COL3A1: variants seen among roughly 807,000 people sequenced by gnomAD.
COL3A1 encodes collagen type III alpha 1 chain.
Under a neutral mutation model 200.9 loss-of-function variants are expected in COL3A1, and 46 were observed. The observed-to-expected ratio is 0.23, with a 90% CI of 0.18 to 0.29. The LOEUF is 0.29. COL3A1 is among the 10% of genes least tolerant of loss of function. The pLI is 1.00. For missense variants in COL3A1, 1,367 were observed against 1,917.6 expected (o/e 0.71, Z 5.36); for synonymous variants, 650 against 628.0 (o/e 1.03, Z -0.52).
chr2:188,977,896 A>G (rs1687856777), intron 1 of COL3A1, among the ~76,000 whole-genome samples: 1 of 152,074 alleles, frequency 6.6e-6, no homozygotes, highest in South Asian at 2.1e-4. Flanking sequence ...TAATTTTTTT[A>G]AACCCCAGAA....
At chr2:188,976,574 T>G (rs1687822068) in intron 1 of COL3A1, among the ~76,000 whole-genome samples, 1 of 152,160 alleles carries the variant, frequency 6.6e-6, no homozygotes, top group African/African-American at 2.4e-5. Flanking sequence ...AGGAGGTATC[T>G]GAATATACAG....
At chr2:188,980,066 T>G (rs1687917729) in intron 1 of COL3A1, among the ~76,000 whole-genome samples, 1 of 151,652 alleles carries the variant, frequency 6.6e-6, no homozygotes, top group African/African-American at 2.4e-5. Context: ...CAAATAAAAT[T>G]ACTCTAAGGA....
At chr2:188,983,576 A>G (rs576879488) in intron 1 of COL3A1, among the ~76,000 whole-genome samples, 1 of 152,074 alleles carries the variant, frequency 6.6e-6, no homozygotes, top group South Asian at 2.1e-4. Context: ...TGTAGTGCCC[A>G]GATGGAAAAA....
Position 188,984,939 on chromosome 2 carries a change from G to C in COL3A1, c.259G>C (p.Val87Leu), listed in dbSNP as rs1486801173. 1 of 1,612,886 alleles carries C rather than the reference G, an allele frequency of 6.2e-7. No homozygotes were observed. Among genetic ancestry groups the C allele is most frequent in the Non-Finnish European group, 8.5e-7 (1 of 1,179,374 alleles). ...PEIPFGECCA[V>L]CPQPPTAPTR... Reference sequence around the variant, plus strand: ...AATTCCATTTGGAGAATGTTGTGCAGTTTGCCCACAGCCTCCAACTGCTGT... The same window carrying C: ...AATTCCATTTGGAGAATGTTGTGCACTTTGCCCACAGCCTCCAACTGCTGT... Residue 87 changes from valine (V) to leucine (L), a missense_variant, in exon 2 of 51, where the codon GTT becomes CTT. Coordinates refer to ENST00000304636, the MANE Select transcript of COL3A1 (RefSeq NM_000090.4).
intron 47 of COL3A1, chr2:189,008,699 A>G: frequency 1.7e-6 from 1 of 593,984 alleles, no homozygotes; most frequent in South Asian, 2.0e-5. Flanking sequence ...CTCTGACACT[A>G]CTGATTCTTA....
chr2:188,994,199 G>C lies in COL3A1; in HGVS notation c.1195-35G>C. 1 of 1,612,346 alleles carries C rather than the reference G, an allele frequency of 6.2e-7. No individual in the cohort carries two copies. Among genetic ancestry groups the C allele is most frequent in the South Asian group, 1.1e-5 (1 of 91,048 alleles). ...GAGATATTCATAAAAGAACATTCAA[G>C]TTCGGCTAATATAGTGTCTTTGGTT... On this transcript the variant is annotated intron_variant, in intron 17 of 50. Coordinates refer to ENST00000304636, the MANE Select transcript of COL3A1 (RefSeq NM_000090.4). This position sits in a 1 kb window ranked among gnomAD's most constrained non-coding sequence, Gnocchi z 4.5.
At position 189,006,428 on chromosome 2, in the gene COL3A1, A is replaced by G. The variant is rs1273664066; in HGVS notation, c.3177A>G (p.Gly1059=). 1 of 1,613,872 alleles carries G rather than the reference A, an allele frequency of 6.2e-7. No homozygotes were observed. The highest frequency in any genetic ancestry group is 1.3e-5 in the African/African-American group (1 of 74,906). ...CACCTGGTCCTGTCGGTCCAGCTGGAAAGAGTGGTGACAGAGGAGAAAGTG... is the reference window on the plus strand; with the variant it reads ...CACCTGGTCCTGTCGGTCCAGCTGGGAAGAGTGGTGACAGAGGAGAAAGTG... ...PGPPGPVGPA[G]KSGDRGESGP... Residue 1059 remains glycine (G), a synonymous_variant, in exon 43 of 51, where the codon GGA becomes GGG. Transcript: ENST00000304636.
rs113906492 is a variant in COL3A1 at position 188,978,096 on chromosome 2, A to T, written c.79+3528A>T. 3,474 of 411,022 alleles carry T rather than the reference A, an allele frequency of 8.5e-3. 46 individuals are homozygous for T. Among genetic ancestry groups the T allele is most frequent in the South Asian group, 0.031 (1,756 of 56,188 alleles). 25.5% of individuals were successfully genotyped at this position (411,022 alleles called of 1,614,324 possible). On this transcript the variant is annotated intron_variant, in intron 1 of 50. Transcript: ENST00000304636. ...TTTGGATTTTCAAAACTACCTATTTATGTATAGGCCTTTAGATCATCTGAT... is the reference window on the plus strand; with the variant it reads ...TTTGGATTTTCAAAACTACCTATTTTTGTATAGGCCTTTAGATCATCTGAT...
At position 188,974,506 on chromosome 2, in the gene COL3A1, A is replaced by C. The variant is rs1296702474; in HGVS notation, c.17A>C (p.Gln6Pro). MMSFVQKGSWLLLALL... is the reference protein window; with the variant it reads MMSFVPKGSWLLLALL... ...TATTTAGACATGATGAGCTTTGTGCAAAAGGGGAGCTGGCTACTTCTCGCT... is the reference window on the plus strand; with the variant it reads ...TATTTAGACATGATGAGCTTTGTGCCAAAGGGGAGCTGGCTACTTCTCGCT... The change falls in exon 1 of 51, where the codon CAA becomes CCA. Residue 6 changes from glutamine to proline, a missense_variant. By Grantham distance (76) the Gln-to-Pro change is moderately conservative. Coordinates refer to ENST00000304636, the MANE Select transcript of COL3A1 (RefSeq NM_000090.4). 1 of 1,613,998 alleles carries C rather than the reference A, an allele frequency of 6.2e-7. No individual in the cohort carries two copies. Among genetic ancestry groups the C allele is most frequent in the Admixed American group, 1.7e-5 (1 of 60,030 alleles).
At chr2:188,997,120 T>C in intron 24 of COL3A1, 45 bp from the exon 25 acceptor site, 1 of 1,537,666 alleles carries the variant, frequency 6.5e-7, no homozygotes, top group East Asian at 2.3e-5. Flanking sequence ...TATGATTAGT[T>C]ATTGCCCTTT....
intron 1 of COL3A1, among the ~76,000 whole-genome samples, chr2:188,979,641 A>C (rs1222111553): frequency 6.6e-6 from 1 of 151,808 alleles, no homozygotes; most frequent in Non-Finnish European, 1.5e-5. Flanking sequence ...TCCTGTTTTG[A>C]GGCCAGATAG....
At chr2:188,997,913 C>A (rs1688365989) in intron 27 of COL3A1, among the ~76,000 whole-genome samples, 160 bp downstream of exon 27, 1 of 152,126 alleles carries the variant, frequency 6.6e-6, no homozygotes. Flanking sequence ...CTTCCATGTC[C>A]GTTCCAGAGC....
chr2:188,997,625 G>C, intron 26 of COL3A1, 75 bp from the exon 27 acceptor site: 12 of 1,445,344 alleles, frequency 8.3e-6, no homozygotes, highest in Non-Finnish European at 1.2e-5. Flanking sequence ...TTAAGCAACA[G>C]GCCTGTTGAA....
intron 14 of COL3A1, among the ~76,000 whole-genome samples, chr2:188,992,650 C>A (rs1276881495): frequency 6.6e-6 from 1 of 152,088 alleles, no homozygotes; most frequent in Non-Finnish European, 1.5e-5. Context: ...GAAAAGTAGC[C>A]TGCACTAAGT....
In COL3A1 at chr2:188,993,472, G is replaced by A; in HGVS notation, c.1149+13G>A. The A allele has an allele frequency of 1.3e-6, 2 of 1,541,500 alleles. No homozygotes were observed. The highest frequency in any genetic ancestry group is 1.8e-6 in the Non-Finnish European group (2 of 1,138,024). On this transcript the variant is annotated intron_variant, in intron 16 of 50. Coordinates refer to ENST00000304636, the MANE Select transcript of COL3A1 (RefSeq NM_000090.4). ...TCAAGGTCCTCCTGTAAGTATCATA[G>A]TTGAGAGGGAGTAAGCATAGTTTCA...
chr2:188,991,191 G>A (rs1350514250), intron 11 of COL3A1, 134 bp downstream of exon 11: 1 of 902,442 alleles, frequency 1.1e-6, no homozygotes, highest in African/African-American at 1.7e-5. Flanking sequence ...GTGAATAATG[G>A]TAACCAATTC....
rs372405344 is a variant in COL3A1, at chr2:189,006,462, C to T, written c.3201+10C>T. ...TGACAGAGGAGAAAGTGTGAGTTCC[C>T]AAAAGCAGCATCTGTCTTGTTTGTC... On this transcript the variant is annotated intron_variant, in intron 43 of 50. Coordinates refer to ENST00000304636, the MANE Select transcript of COL3A1 (RefSeq NM_000090.4). 7 of 1,611,288 alleles carry T rather than the reference C, an allele frequency of 4.3e-6. No individual in the cohort carries two copies. Among genetic ancestry groups the T allele is most frequent in the Middle Eastern group, 1.6e-4 (1 of 6,080 alleles).
At chr2:188,989,512 T>C in intron 8 of COL3A1, 63 bp downstream of exon 8, 5 of 1,168,534 alleles carry the variant, frequency 4.3e-6, no homozygotes, top group Middle Eastern at 2.7e-4. Flanking sequence ...CTAAACAGTA[T>C]ATGCTTTATG....
rs754340753 is a variant in COL3A1 at position 189,009,214 on chromosome 2, C to G, written c.3816C>G (p.Leu1272=). The change falls in exon 48 of 51, where the codon CTC becomes CTG. Residue 1272 remains leucine (L), a synonymous_variant. Transcript: ENST00000304636. ...CRDLKFCHPE[L]KSGEYWVDPN... is the part of the protein sequence containing the mutation. ...ACCTGAAATTCTGCCATCCTGAACT[C>G]AAGAGTGGTATGTTTGGTAGTCTTT... 1.2e-6 allele frequency: 2 copies of G among 1,614,088 alleles called. No individual in the cohort carries two copies. Among genetic ancestry groups the G allele is most frequent in the East Asian group, 4.5e-5 (2 of 44,888 alleles).
Sources: gnomAD v4.1 joint callset for allele counts (sites outside exome capture counted in the v4.1 genomes callset) on GRCh38, gnomAD v4.1.1 for gene constraint, Gnocchi (gnomAD v3.1) non-coding constraint, MANE v1.5 for transcripts, NCBI Gene and HGNC (gene_info 2026-07-23, HGNC 2026-07-21) for gene names.